Variants in EVI5 observed in about 807,000 individuals in gnomAD.
The protein encoded by EVI5 is ecotropic viral integration site 5, also known as ecotropic viral integration site 5 protein homolog.
A neutral mutation model predicts 112.0 loss-of-function variants in EVI5; 73 were observed. That is an observed-to-expected ratio of 0.65 (90% CI 0.54 to 0.79). EVI5 has a LOEUF of 0.79. Among genes scored for constraint, EVI5 ranks in the 30% least tolerant of loss-of-function variants. The pLI, the probability that EVI5 is intolerant of heterozygous loss-of-function variation, is 0.00. For synonymous variants in EVI5, 305 were observed against 319.9 expected, an observed-to-expected ratio of 0.95 and a Z score of 0.50; for missense variants, 900 against 968.8, an observed-to-expected ratio of 0.93 and a Z score of 0.94.
chr1:92,715,879 G>A (rs115512267), intron 2 of EVI5, among the ~76,000 whole-genome samples: 2,904 of 152,126 alleles, frequency 0.019, 109 homozygotes, highest in African/African-American at 0.066. Context: ...GTCTGATATC[G>A]ACCTGCGAGG....
At chr1:92,696,289 A>C (rs1427750576) in intron 6 of EVI5, among the ~76,000 whole-genome samples, 1 of 152,048 alleles carries the variant, frequency 6.6e-6, no homozygotes, top group African/African-American at 2.4e-5. Context: ...TGCTAAAAAC[A>C]AGCTTACTAT....
chr1:92,605,278 A>T, intron 18 of EVI5, 29 bp downstream of exon 18: 1 of 1,391,918 alleles, frequency 7.2e-7, no homozygotes, highest in Non-Finnish European at 1.0e-6. Context: ...CTATATTTTT[A>T]CATGTACTTT....
intron 2 of EVI5, among the ~76,000 whole-genome samples, chr1:92,721,864 A>G (rs1674805791): frequency 6.6e-6 from 1 of 152,148 alleles, no homozygotes; most frequent in Non-Finnish European, 1.5e-5. Flanking sequence ...ACTGATCACA[A>G]CCGTAAAAAT....
At chr1:92,774,512 T>C (rs757093651) in intron 1 of EVI5, among the ~76,000 whole-genome samples, 2 of 152,226 alleles carry the variant, frequency 1.3e-5, no homozygotes, top group Non-Finnish European at 2.9e-5. Flanking sequence ...TCTCAGTGCT[T>C]ACGCTTTCCT....
intron 1 of EVI5, among the ~76,000 whole-genome samples, chr1:92,759,435 C>A (rs896457192): frequency 5.3e-5 from 8 of 152,076 alleles, no homozygotes; most frequent in African/African-American, 1.9e-4. Context: ...AGCTACAAGT[C>A]CTTAACGGTT....
chr1:92,713,997 C>A, intron 2 of EVI5: 1 of 979,362 alleles, frequency 1.0e-6, no homozygotes, highest in Non-Finnish European at 1.2e-6. Flanking sequence ...TGAGACTTAC[C>A]TCCATAAATT....
At chr1:92,532,926 AACT>A (rs1663122859) in intron 19 of EVI5, among the ~76,000 whole-genome samples, 2 of 152,156 alleles carry the variant, frequency 1.3e-5, no homozygotes, top group South Asian at 2.1e-4. Context: ...GGCAAGAAAT[AACT>A]AAGATCAGAG....
At chr1:92,550,095 C>T (rs1284859244) in intron 19 of EVI5, among the ~76,000 whole-genome samples, 1 of 152,060 alleles carries the variant, frequency 6.6e-6, no homozygotes, top group Non-Finnish European at 1.5e-5. Context: ...TTGGAACCAA[C>T]CCAAATGTCC....
At chr1:92,654,113 G>A (rs1432025619) in intron 13 of EVI5, among the ~76,000 whole-genome samples, 1 of 152,016 alleles carries the variant, frequency 6.6e-6, no homozygotes, top group Non-Finnish European at 1.5e-5. Flanking sequence ...CCTGCTAGGG[G>A]GTGAGCAGAG....
At chr1:92,725,353 G>A (rs896591214) in intron 2 of EVI5, among the ~76,000 whole-genome samples, 1 of 152,016 alleles carries the variant, frequency 6.6e-6, no homozygotes, top group Non-Finnish European at 1.5e-5. Flanking sequence ...TCAGTAGGGG[G>A]GAATAATAGT....
intron 19 of EVI5, among the ~76,000 whole-genome samples, chr1:92,551,028 C>CT (rs1459798254): frequency 2.1e-4 from 15 of 70,156 alleles, no homozygotes; most frequent in Admixed American, 5.5e-4. Flanking sequence ...TTTTTCTTTT[C>CT]TTTCTTTCTT....
chr1:92,717,762 G>C (rs2102667859), intron 2 of EVI5, among the ~76,000 whole-genome samples: 1 of 152,086 alleles, frequency 6.6e-6, no homozygotes, highest in East Asian at 1.9e-4. Context: ...ATTAGATAAA[G>C]AGTCAAGACC....
chr1:92,785,303 C>T (rs116433776), upstream of EVI5, among the ~76,000 whole-genome samples: 2,257 of 152,342 alleles, frequency 0.015, 64 homozygotes, highest in African/African-American at 0.05. Flanking sequence ...TCCTGCAAGT[C>T]GCCGACTTCC....
chr1:92,708,723 A>G (rs1672396437), intron 2 of EVI5, among the ~76,000 whole-genome samples: 1 of 152,168 alleles, frequency 6.6e-6, no homozygotes. Context: ...GTGTCCATCA[A>G]CTGATGAATG....
At chr1:92,685,115 C>T (rs1277173382) in intron 9 of EVI5, among the ~76,000 whole-genome samples, 3 of 151,970 alleles carry the variant, frequency 2.0e-5, no homozygotes, top group Non-Finnish European at 2.9e-5. Flanking sequence ...CTTCTCAGCA[C>T]CACATGGCAC....
At chr1:92,614,878 A>ATATATT (rs1380450029) in intron 16 of EVI5, among the ~76,000 whole-genome samples, 3 of 2,560 alleles carry the variant, frequency 1.2e-3, no homozygotes, top group African/African-American at 4.0e-3. Context: ...ATATATATAT[A>ATATATT]TATATATCTC....
At chr1:92,550,782 AT>A (rs1410357778) in intron 19 of EVI5, among the ~76,000 whole-genome samples, 43 of 11,456 alleles carry the variant, frequency 3.8e-3, no homozygotes, top group Non-Finnish European at 5.2e-3. Flanking sequence ...AAAAAAAAAA[AT>A]ATATATATAT....
intron 9 of EVI5, among the ~76,000 whole-genome samples, chr1:92,687,471 T>G (rs191785869): frequency 6.6e-6 from 1 of 152,260 alleles, no homozygotes; most frequent in African/African-American, 2.4e-5. Flanking sequence ...ATTCAGGACA[T>G]AGGCATGGGC....
chr1:92,717,871 C>CAA, intron 2 of EVI5, among the ~76,000 whole-genome samples: 1 of 134,980 alleles, frequency 7.4e-6, no homozygotes, highest in South Asian at 2.4e-4. Context: ...AATTGGAAAG[C>CAA]AAAAAAAAAA....
Sources: allele counts gnomAD v4.1 joint callset (sites outside exome capture counted in the v4.1 genomes callset), GRCh38; gene constraint gnomAD v4.1.1; transcripts MANE v1.5; gene names NCBI Gene and HGNC (gene_info 2026-07-23, HGNC 2026-07-21).